GALNT13: variants seen among roughly 807,000 people sequenced by gnomAD.
GALNT13 encodes the protein polypeptide N-acetylgalactosaminyltransferase 13.
A neutral mutation model predicts 64.2 loss-of-function variants in GALNT13; 28 were observed. That is an observed-to-expected ratio of 0.44 (90% CI 0.32 to 0.60). GALNT13 has a LOEUF of 0.60. GALNT13 is among the 20% of genes least tolerant of loss of function. The pLI is 0.05. For missense variants in GALNT13, 577 were observed against 669.8 expected (o/e 0.86, Z 1.53); for synonymous variants, 214 against 224.6 (o/e 0.95, Z 0.42).
the GALNT13 span, among the ~76,000 whole-genome samples, chr2:153,841,892 A>G: frequency 1.5e-3 from 236 of 152,286 alleles, 1 homozygote; most frequent in Admixed American, 3.3e-3. Flanking sequence ...TGATGTTTAC[A>G]TTTCTGATTT....
chr2:153,739,643 AT>A, the GALNT13 span, among the ~76,000 whole-genome samples: 5 of 94,576 alleles, frequency 5.3e-5, no homozygotes, highest in African/African-American at 1.8e-4. Flanking sequence ...ATTTTATTTT[AT>A]TTTTATTATT....
chr2:154,422,717 C>T (rs1047091912), intron 11 of GALNT13, among the ~76,000 whole-genome samples: 3 of 151,988 alleles, frequency 2.0e-5, no homozygotes, highest in African/African-American at 4.8e-5. Flanking sequence ...ATTTTAAGAC[C>T]GTAACACCAA....
intron 8 of GALNT13, among the ~76,000 whole-genome samples, chr2:154,261,033 C>A (rs1201978948): frequency 3.3e-5 from 5 of 151,964 alleles, no homozygotes; most frequent in Non-Finnish European, 1.5e-5. Context: ...CTTTATCTAA[C>A]TGGTTGAAAG....
chr2:153,576,679 C>T, the GALNT13 span, among the ~76,000 whole-genome samples: 1 of 152,282 alleles, frequency 6.6e-6, no homozygotes, highest in Non-Finnish European at 1.5e-5. Context: ...CTTTTCAGTG[C>T]CTCTTTCAGT....
intron 4 of GALNT13, among the ~76,000 whole-genome samples, chr2:154,191,592 G>C (rs900239064): frequency 3.9e-5 from 6 of 152,272 alleles, no homozygotes; most frequent in African/African-American, 1.4e-4. Flanking sequence ...TTTTCAACTT[G>C]GAGAGATGCT....
At chr2:153,797,044 A>G in the GALNT13 span, among the ~76,000 whole-genome samples, 2 of 152,358 alleles carry the variant, frequency 1.3e-5, no homozygotes, top group East Asian at 1.9e-4. Flanking sequence ...TTAATCTTAT[A>G]TGATCTGTAT....
the GALNT13 span, among the ~76,000 whole-genome samples, chr2:153,608,081 G>A: frequency 2.0e-5 from 3 of 152,110 alleles, no homozygotes; most frequent in African/African-American, 7.2e-5. Context: ...AAGCATCAGG[G>A]ACTTTAATCT....
chr2:154,379,535 T>G (rs960672670), intron 9 of GALNT13, among the ~76,000 whole-genome samples: 4 of 152,044 alleles, frequency 2.6e-5, no homozygotes, highest in Non-Finnish European at 5.9e-5. Context: ...GGCTGTTTGA[T>G]TCTCATGTAT....
intron 4 of GALNT13, among the ~76,000 whole-genome samples, chr2:154,180,001 T>G (rs1685867885): frequency 6.6e-6 from 1 of 152,204 alleles, no homozygotes; most frequent in East Asian, 1.9e-4. Context: ...TGAAAACAAA[T>G]TTCACAGCAA....
At chr2:153,662,805 G>T in the GALNT13 span, among the ~76,000 whole-genome samples, 1 of 152,276 alleles carries the variant, frequency 6.6e-6, no homozygotes, top group African/African-American at 2.4e-5. Context: ...TACAAAGCCA[G>T]AATTTCTGTT....
At chr2:153,688,020 A>G in the GALNT13 span, among the ~76,000 whole-genome samples, 2 of 152,118 alleles carry the variant, frequency 1.3e-5, no homozygotes, top group African/African-American at 4.8e-5. Context: ...TGCCAAAGTA[A>G]CTACACAGTT....
At chr2:154,371,343 G>C (rs1290690894) in intron 9 of GALNT13, among the ~76,000 whole-genome samples, 1 of 152,024 alleles carries the variant, frequency 6.6e-6, no homozygotes, top group Non-Finnish European at 1.5e-5. Flanking sequence ...TGAGTTTCCA[G>C]GTAATTATAA....
At chr2:153,989,732 A>G (rs1695037175) in intron 3 of GALNT13, among the ~76,000 whole-genome samples, 1 of 152,092 alleles carries the variant, frequency 6.6e-6, no homozygotes, top group South Asian at 2.1e-4. Context: ...TCAAATATGC[A>G]CGTTCCTTTT....
At chr2:153,691,860 A>T in the GALNT13 span, among the ~76,000 whole-genome samples, 1 of 152,150 alleles carries the variant, frequency 6.6e-6, no homozygotes, top group African/African-American at 2.4e-5. Context: ...GCTTTGTAAA[A>T]AATTTTATTC....
chr2:154,334,157 A>G (rs575473905), intron 9 of GALNT13, among the ~76,000 whole-genome samples: 3 of 152,122 alleles, frequency 2.0e-5, no homozygotes, highest in Admixed American at 6.6e-5. Context: ...AATACCCATA[A>G]GATTTTCTTT....
At chr2:154,355,055 A>G (rs188358091) in intron 9 of GALNT13, among the ~76,000 whole-genome samples, 14 of 152,044 alleles carry the variant, frequency 9.2e-5, no homozygotes, top group African/African-American at 3.4e-4. Flanking sequence ...TCTTTTGTGG[A>G]CTGATTTTGG....
At chr2:154,113,259 G>T (rs768006155) in intron 3 of GALNT13, among the ~76,000 whole-genome samples, 6 of 152,140 alleles carry the variant, frequency 3.9e-5, no homozygotes, top group Non-Finnish European at 8.8e-5. Flanking sequence ...CTCCCTATCT[G>T]CCACTGACAC....
At chr2:153,761,391 C>T in the GALNT13 span, 1 of 152,070 alleles carries the variant, frequency 6.6e-6, no homozygotes, top group South Asian at 2.1e-4. Context: ...GATTACAATC[C>T]TTCATTCACT....
chr2:153,726,957 C>CA, the GALNT13 span, among the ~76,000 whole-genome samples: 978 of 131,066 alleles, frequency 7.5e-3, 4 homozygotes, highest in East Asian at 0.024. Flanking sequence ...AAAAAAAAAA[C>CA]AAAAAAAAAA....
Sources: gnomAD v4.1 joint callset for allele counts (sites outside exome capture counted in the v4.1 genomes callset) on GRCh38, gnomAD v4.1.1 for gene constraint, MANE v1.5 for transcripts, NCBI Gene and HGNC (gene_info 2026-07-23, HGNC 2026-07-21) for gene names.